Variants in GRM8 observed in about 807,000 individuals in gnomAD.
The protein encoded by GRM8 is metabotropic glutamate receptor 8.
Under a neutral mutation model 87.2 loss-of-function variants are expected in GRM8, and 47 were observed. The ratio of observed to expected loss-of-function variants is 0.54; its 90% CI spans 0.43 to 0.69. GRM8 has a LOEUF of 0.69. GRM8 is among the 30% of genes least tolerant of loss of function. GRM8 has a pLI of 0.00. For missense variants in GRM8, 1,019 were observed against 1,139.2 expected (o/e 0.89, Z 1.52); for synonymous variants, 396 against 404.5 (o/e 0.98, Z 0.25).
rs1333898397 is a variant in GRM8 at position 126,533,063 on chromosome 7, G to A, written c.2319C>T (p.Val773=). The change falls in exon 9 of 11, where the codon GTC becomes GTT. Residue 773 remains valine, a synonymous_variant. Transcript: ENST00000339582. ...GTTTGGCTTCATTGAAAGTCTCTGG[G>A]ACACCTCTCGTTTTAATGGCATAAA... ...CTVYAIKTRG[V]PETFNEAKPI... is the part of the protein sequence containing the mutation. 1 of 1,613,358 alleles carries A rather than the reference G, an allele frequency of 6.2e-7. No individual in the cohort carries two copies. The highest frequency in any genetic ancestry group is 1.7e-5 in the Admixed American group (1 of 59,918).
intron 2 of GRM8, among the ~76,000 whole-genome samples, chr7:127,240,121 CCCAGAGAGTCAGTAGTAACCCTCTCA>C (rs1441549574): frequency 2.0e-5 from 3 of 152,126 alleles, no homozygotes; most frequent in Admixed American, 6.5e-5. Context: ...TTGGACTCTG[CCCAGAGAGTCAGTAGTAACCCTCTCA>C]CCCAGTCAGA....
intron 7 of GRM8, among the ~76,000 whole-genome samples, chr7:126,706,216 A>C (rs1187945609): frequency 6.6e-6 from 1 of 152,194 alleles, no homozygotes; most frequent in East Asian, 1.9e-4. Context: ...AGGGGTCTCC[A>C]GAGAAACAGA....
At chr7:126,585,423 C>A (rs1201994283) in intron 8 of GRM8, among the ~76,000 whole-genome samples, 1 of 152,130 alleles carries the variant, frequency 6.6e-6, no homozygotes, top group Non-Finnish European at 1.5e-5. Flanking sequence ...AACACGAAAT[C>A]CACCCGTTAC....
chr7:126,490,697 C>T (rs1055393837), intron 9 of GRM8, among the ~76,000 whole-genome samples: 1 of 151,980 alleles, frequency 6.6e-6, no homozygotes, highest in East Asian at 1.9e-4. Flanking sequence ...CACAATGTTT[C>T]CTCACAGATT....
chr7:126,984,634 G>A (rs1811868480), intron 3 of GRM8, among the ~76,000 whole-genome samples: 1 of 152,112 alleles, frequency 6.6e-6, no homozygotes, highest in African/African-American at 2.4e-5. Flanking sequence ...GATCATGTGA[G>A]TTAATACTAC....
At chr7:127,023,218 A>C (rs1421717257) in intron 3 of GRM8, among the ~76,000 whole-genome samples, 1 of 152,100 alleles carries the variant, frequency 6.6e-6, no homozygotes, top group African/African-American at 2.4e-5. Flanking sequence ...AACAATTATA[A>C]AACGTTGTTT....
At chr7:126,477,300 G>A (rs1273967285) in intron 9 of GRM8, among the ~76,000 whole-genome samples, 1 of 151,944 alleles carries the variant, frequency 6.6e-6, no homozygotes, top group Non-Finnish European at 1.5e-5. Flanking sequence ...TAATAAATAA[G>A]TTCTGGAGAT....
At chr7:127,051,743 A>G (rs1471801782) in intron 3 of GRM8, among the ~76,000 whole-genome samples, 10 of 142,696 alleles carry the variant, frequency 7.0e-5, no homozygotes, top group African/African-American at 2.7e-4. Context: ...GTTGAGCAAA[A>G]AAAAAAAAAA....
chr7:126,570,771 G>A (rs1408963353), intron 8 of GRM8, among the ~76,000 whole-genome samples: 1 of 152,114 alleles, frequency 6.6e-6, no homozygotes, highest in African/African-American at 2.4e-5. Context: ...CCAGACTTGG[G>A]AAAGAGCAAC....
chr7:127,183,909 CACAAATTAG>C (rs967990162), intron 2 of GRM8, among the ~76,000 whole-genome samples: 1 of 151,764 alleles, frequency 6.6e-6, no homozygotes, highest in Non-Finnish European at 1.5e-5. Context: ...ACTCTCTGCC[CACAAATTAG>C]ATAAAGTGAA....
chr7:126,613,455 G>A (rs537637384), intron 7 of GRM8, among the ~76,000 whole-genome samples: 14 of 152,292 alleles, frequency 9.2e-5, no homozygotes, highest in South Asian at 4.1e-4. Flanking sequence ...TGTGAGCGAC[G>A]CAGAAGACGG....
In GRM8 at chr7:126,911,341, G is replaced by T. The variant is rs374311213; in HGVS notation, c.728-6658C>A. Among the ~76,000 whole-genome samples, 10 of 151,912 alleles carry T rather than the reference G, an allele frequency of 6.6e-5. No homozygotes were observed. The East Asian group carries it at 1.7e-3, about 26-fold the overall frequency. On this transcript the variant is annotated intron_variant, in intron 3 of 10. Coordinates refer to ENST00000339582, the MANE Select transcript of GRM8 (RefSeq NM_000845.3). ...ATTTACATTCTTCTCCCATCCCCCAGTTCCTACCCCCAAGAATTAATTCTC... is the reference window on the plus strand; with the variant it reads ...ATTTACATTCTTCTCCCATCCCCCATTTCCTACCCCCAAGAATTAATTCTC...
intron 3 of GRM8, among the ~76,000 whole-genome samples, chr7:127,001,359 T>C (rs1161037069): frequency 6.6e-6 from 1 of 151,640 alleles, no homozygotes; most frequent in Non-Finnish European, 1.5e-5. Context: ...TATAGAAATA[T>C]AGACTATAAT....
rs988360048 is a variant in GRM8, at chr7:126,817,119, C to G, written c.1157-47054G>C. Among the ~76,000 whole-genome samples the G allele has an allele frequency of 2.0e-5, 3 of 152,138 alleles. No homozygotes were observed. The East Asian group carries it at 5.8e-4, about 29-fold the overall frequency. On this transcript the variant is annotated intron_variant, in intron 6 of 10. Transcript: ENST00000339582. ...TATATACACTTCAATTGTTTCCACA[C>G]ATTTATGGCTCCTTTTCTTCATTTC...
Position 127,127,336 on chromosome 7 carries a change from A to C in GRM8, c.511-20624T>G, listed in dbSNP as rs564195941. ...ATGTTCATACAAAGACTTGTACTCA[A>C]ATGTTCACTACAATTTTATTCACAG... On this transcript the variant is annotated intron_variant, in intron 2 of 10. Coordinates refer to ENST00000339582, the MANE Select transcript of GRM8 (RefSeq NM_000845.3). 4.6e-5 allele frequency among the ~76,000 whole-genome samples: 7 copies of C among 152,182 alleles called. No homozygotes were observed. The South Asian group carries it at 1.0e-3, about 23-fold the overall frequency.
At chr7:126,934,238 C>A (rs981958414) in intron 3 of GRM8, among the ~76,000 whole-genome samples, 4 of 152,214 alleles carry the variant, frequency 2.6e-5, no homozygotes, top group African/African-American at 9.6e-5. Flanking sequence ...ATGGTTTATT[C>A]CTCTAACTTA....
Position 127,242,789 on chromosome 7 carries a change from G to T in GRM8, c.416C>A (p.Pro139His). 1.2e-6 allele frequency: 2 copies of T among 1,614,036 alleles called. No homozygotes were observed. Among genetic ancestry groups the T allele is most frequent in the South Asian group, 1.1e-5 (1 of 91,076 alleles). ...SDVKCANGDP[P>H]IFTKPDKISG... Reference sequence around the variant, plus strand: ...AATCTTGTCGGGCTTGGTGAAAATGGGTGGATCTCCATTAGCACACTTCAC... The same window carrying T: ...AATCTTGTCGGGCTTGGTGAAAATGTGTGGATCTCCATTAGCACACTTCAC... Residue 139 changes from proline (P) to histidine (H), a missense_variant, in exon 2 of 11, where the codon CCC becomes CAC. Physicochemically the swap from Pro to His is moderately conservative, Grantham distance 77. Transcript: ENST00000339582.
intron 6 of GRM8, among the ~76,000 whole-genome samples, chr7:126,855,951 T>C (rs1434763583): frequency 3.3e-5 from 5 of 152,130 alleles, no homozygotes; most frequent in Non-Finnish European, 7.4e-5. Context: ...CCTGATGCCA[T>C]TTGCCATGTG....
intron 2 of GRM8, among the ~76,000 whole-genome samples, chr7:127,192,592 C>T (rs1385499705): frequency 6.6e-6 from 1 of 152,138 alleles, no homozygotes. Flanking sequence ...GTCTGAGACA[C>T]ATAAAAAATA....
Sources: gnomAD v4.1 joint callset for allele counts (sites outside exome capture counted in the v4.1 genomes callset) on GRCh38, gnomAD v4.1.1 for gene constraint, MANE v1.5 for transcripts, NCBI Gene and HGNC (gene_info 2026-07-23, HGNC 2026-07-21) for gene names.